Variants in BLK observed in about 807,000 individuals in gnomAD.
BLK encodes BLK proto-oncogene, Src family tyrosine kinase.
In BLK, 64 loss-of-function variants were observed where a neutral mutation model predicts 61.8. The observed-to-expected ratio is 1.03, with a 90% CI of 0.85 to 1.27. BLK has a LOEUF of 1.27. Ranked by LOEUF, BLK falls within the 50% of genes most tolerant of loss-of-function variation. The pLI is 0.00. For synonymous variants in BLK, 351 were observed against 272.0 expected (o/e 1.29, Z -2.86); for missense variants, 853 against 660.5 (o/e 1.29, Z -3.19).
At chr8:11,517,079 C>T (rs550497854) in intron 1 of BLK, among the ~76,000 whole-genome samples, 31 of 152,280 alleles carry the variant, frequency 2.0e-4, no homozygotes, top group African/African-American at 7.2e-4. Flanking sequence ...TGGGACCTAA[C>T]ATTTTTATAG....
chr8:11,541,721 C>T (rs919237042), intron 1 of BLK, among the ~76,000 whole-genome samples: 4 of 152,188 alleles, frequency 2.6e-5, no homozygotes, highest in Non-Finnish European at 5.9e-5. Flanking sequence ...TGGTCTCGAA[C>T]TCCTGACCTC....
rs377316766 is a variant in BLK, at chr8:11,554,900, G to A, written c.619+11G>A. 15 of 1,611,312 alleles carry A rather than the reference G, an allele frequency of 9.3e-6. No individual in the cohort carries two copies. Among genetic ancestry groups the A allele is most frequent in the Non-Finnish European group, 1.2e-5 (14 of 1,179,892 alleles). On this transcript the variant is annotated intron_variant, in intron 7 of 12. Transcript: ENST00000259089. ...TGCAGCACTATTCTAGTAAGAGGGG[G>A]CGTGCAATGGGGGCAGGGACTTGTG...
intron 10 of BLK, chr8:11,558,727 C>T (rs1801344479): frequency 2.2e-6 from 1 of 456,132 alleles, no homozygotes; most frequent in Admixed American, 2.3e-5. Flanking sequence ...CTCTAGCTGG[C>T]AGGAAGCACA....
chr8:11,554,073 G>C (rs780393640), intron 6 of BLK: 2 of 154,930 alleles, frequency 1.3e-5, no homozygotes, highest in African/African-American at 4.8e-5. Flanking sequence ...TGGTACCCAA[G>C]TAGCTGGACA....
chr8:11,561,508 TC>T, intron 11 of BLK, 56 bp downstream of exon 11: 1 of 1,590,678 alleles, frequency 6.3e-7, no homozygotes, highest in Non-Finnish European at 8.6e-7. Context: ...TCCCAGCTCC[TC>T]AAAGCCGCCT....
intron 1 of BLK, among the ~76,000 whole-genome samples, chr8:11,508,982 G>A (rs1189041476): frequency 6.6e-6 from 1 of 152,162 alleles, no homozygotes; most frequent in Admixed American, 6.5e-5. Flanking sequence ...TGCAGGCAAG[G>A]GAGGTCGTTA....
At chr8:11,499,767 A>G (rs1338905640) in intron 1 of BLK, among the ~76,000 whole-genome samples, 1 of 152,164 alleles carries the variant, frequency 6.6e-6, no homozygotes, top group Non-Finnish European at 1.5e-5. Context: ...CTTGGACTCC[A>G]GGACACTTAG....
chr8:11,563,742 G>C (rs1012182044), intron 12 of BLK, among the ~76,000 whole-genome samples, 161 bp from the exon 13 acceptor site: 1 of 152,266 alleles, frequency 6.6e-6, no homozygotes, highest in Non-Finnish European at 1.5e-5. Flanking sequence ...GCTGTTTAGA[G>C]ACCGGGCAGC....
At position 11,544,752 on chromosome 8, in the gene BLK, T is replaced by C. The variant is rs562756824; in HGVS notation, c.124-1300T>C. Among the ~76,000 whole-genome samples, 8 of 152,352 alleles carry C rather than the reference T, an allele frequency of 5.3e-5. No homozygotes were observed. In the East Asian group the frequency reaches 1.2e-3, roughly 22 times the overall value. ...GTGTTCATTTCATGTGTTCCTATTT[T>C]TAAGAGAAACATACATGCACATCAT... On this transcript the variant is annotated intron_variant, in intron 2 of 12. Coordinates refer to ENST00000259089, the MANE Select transcript of BLK (RefSeq NM_001715.3).
In BLK at chr8:11,558,012, C is replaced by T. The variant is rs769269890; in HGVS notation, c.1003C>T (p.Pro335Ser). The change falls in exon 10 of 13, where the codon CCA (proline) becomes TCA (serine). Residue 335 changes from proline (P) to serine (S), a missense_variant. Physicochemically the swap from Pro to Ser is moderately conservative, Grantham distance 74. Transcript: ENST00000259089. ...KTDEGSRLSL[P>S]RLIDMSAQIA... The stretch of plus-strand genomic sequence containing the variant: ...AGATGAAGGGAGCAGATTGTCACTC[C>T]CAAGGCTGATTGACATGTCGGCGCA... The T allele has an allele frequency of 1.2e-6, 2 of 1,614,004 alleles. No individual in the cohort carries two copies. Among genetic ancestry groups the T allele is most frequent in the Non-Finnish European group, 1.7e-6 (2 of 1,179,994 alleles).
chr8:11,497,749 G>A (rs1798410241), intron 1 of BLK, among the ~76,000 whole-genome samples: 1 of 152,240 alleles, frequency 6.6e-6, no homozygotes, highest in Non-Finnish European at 1.5e-5. Flanking sequence ...GCACCCCAGT[G>A]CCATCAGCAT....
chr8:11,503,753 T>G (rs1585320379), intron 1 of BLK, among the ~76,000 whole-genome samples: 1 of 152,102 alleles, frequency 6.6e-6, no homozygotes, highest in East Asian at 1.9e-4. Context: ...AAGAGGTCAC[T>G]CTGTCCTCTT....
intron 1 of BLK, among the ~76,000 whole-genome samples, chr8:11,515,196 A>C (rs1585338910): frequency 6.6e-6 from 1 of 152,048 alleles, no homozygotes. Context: ...GGCTGGGTGG[A>C]GGTGGCCACA....
chr8:11,535,674 T>G (rs1479234134), intron 1 of BLK, among the ~76,000 whole-genome samples: 1 of 152,200 alleles, frequency 6.6e-6, no homozygotes, highest in African/African-American at 2.4e-5. Flanking sequence ...AATGGAGGAA[T>G]AGGGATGCCT....
intron 12 of BLK, among the ~76,000 whole-genome samples, chr8:11,563,454 A>G (rs1374839826): frequency 1.3e-5 from 2 of 152,192 alleles, no homozygotes; most frequent in African/African-American, 4.8e-5. Flanking sequence ...TGGATTCCCC[A>G]AAGCCCCTTC....
chr8:11,550,709 G>C (rs1252199931), intron 6 of BLK, among the ~76,000 whole-genome samples: 2 of 152,248 alleles, frequency 1.3e-5, no homozygotes, highest in African/African-American at 4.8e-5. Context: ...AAGAGAAGAG[G>C]GTGGTAATTG....
intron 1 of BLK, among the ~76,000 whole-genome samples, chr8:11,514,773 T>C (rs1041867241): frequency 6.6e-6 from 1 of 152,158 alleles, no homozygotes; most frequent in African/African-American, 2.4e-5. Context: ...TGGCTGAGCA[T>C]CAGAATGGGG....
chr8:11,564,136 C>A lies in BLK; in HGVS notation c.*28C>A. 6.5e-7 allele frequency: 1 copy of A among 1,538,998 alleles called. No individual in the cohort carries two copies. The highest frequency in any genetic ancestry group is 1.2e-5 in the South Asian group (1 of 84,386). ...GGCCGCGCCCGCCTGCGCCCCGTGC[C>A]CACCTCTGCGCGGACGACCCCGACT... On this transcript the variant is annotated 3_prime_UTR_variant, in exon 13 of 13. Transcript: ENST00000259089.
At chr8:11,513,831 C>T (rs1183092455) in intron 1 of BLK, among the ~76,000 whole-genome samples, 1 of 152,210 alleles carries the variant, frequency 6.6e-6, no homozygotes, top group African/African-American at 2.4e-5. Flanking sequence ...CCGCCGCGCA[C>T]TGCATGAGAA....
Sources: gnomAD v4.1 joint callset for allele counts (sites outside exome capture counted in the v4.1 genomes callset) on GRCh38, gnomAD v4.1.1 for gene constraint, MANE v1.5 for transcripts, NCBI Gene and HGNC (gene_info 2026-07-23, HGNC 2026-07-21) for gene names.